The following FGF13 variants were observed in gnomAD, a reference collection of about 807,000 sequenced individuals.
FGF13 encodes fibroblast growth factor homologous factor 2.
A neutral mutation model predicts 19.5 loss-of-function variants in FGF13; 2 were observed. The observed-to-expected ratio is 0.10, with a 90% CI of 0.04 to 0.32. FGF13 has a LOEUF of 0.32. Ranked by LOEUF, FGF13 falls within the 10% of genes least tolerant of loss-of-function variation. FGF13 has a pLI of 1.00. For synonymous variants in FGF13, 72 were observed against 76.9 expected, an observed-to-expected ratio of 0.94 and a Z score of 0.33; for missense variants, 113 against 192.7, an observed-to-expected ratio of 0.59 and a Z score of 2.45.
chrX:138,747,041 G>C (rs1245662400), intron 3 of FGF13, among the ~76,000 whole-genome samples: 1 of 111,644 alleles, frequency 9.0e-6, no homozygotes, highest in Non-Finnish European at 1.9e-5. Context: ...GAACAAACCA[G>C]GTTCTGACAC....
At chrX:138,877,803 C>T (rs116690437) in intron 1 of FGF13, among the ~76,000 whole-genome samples, 6,649 of 112,213 alleles carry the variant, frequency 0.059, 467 homozygotes, top group African/African-American at 0.2. Context: ...ATATACAGCA[C>T]ATTTTTATTT....
At chrX:138,854,626 T>C (rs192694633), downstream of FGF13, among the ~76,000 whole-genome samples, 35 of 112,587 alleles carry the variant, frequency 3.1e-4, no homozygotes, top group Admixed American at 3.1e-3. Context: ...ATTCCAACTG[T>C]ATCACAATAC....
At chrX:139,148,382 T>G (rs1006830504) in intron 1 of FGF13, among the ~76,000 whole-genome samples, 1 of 111,266 alleles carries the variant, frequency 9.0e-6, no homozygotes, top group South Asian at 3.7e-4. Context: ...GGGAATATAA[T>G]TTATTGCTAA....
At chrX:138,931,246 A>G (rs1401282313) in intron 1 of FGF13, among the ~76,000 whole-genome samples, 2 of 111,095 alleles carry the variant, frequency 1.8e-5, no homozygotes, top group Non-Finnish European at 3.8e-5. Flanking sequence ...TATGACAGAA[A>G]AGGGCTGTTT....
chrX:138,802,032 C>G (rs1173830059), intron 3 of FGF13, among the ~76,000 whole-genome samples: 1 of 112,432 alleles, frequency 8.9e-6, no homozygotes, highest in African/African-American at 3.2e-5. Flanking sequence ...GGGAGTGGCA[C>G]CCACTGAGTG....
At chrX:138,905,736 C>G (rs1603019643) in intron 1 of FGF13, among the ~76,000 whole-genome samples, 1 of 112,191 alleles carries the variant, frequency 8.9e-6, no homozygotes, top group African/African-American at 3.2e-5. Flanking sequence ...AGTTGGGAAA[C>G]GTGGTTGTTT....
intron 3 of FGF13, among the ~76,000 whole-genome samples, chrX:138,849,947 C>T (rs769527722): frequency 2.1e-4 from 23 of 111,322 alleles, no homozygotes; most frequent in Non-Finnish European, 3.8e-4. Context: ...ATGCCTGAAA[C>T]GGGTCATCAG....
chrX:139,041,865 T>G (rs189512577), intron 1 of FGF13, among the ~76,000 whole-genome samples: 1 of 112,373 alleles, frequency 8.9e-6, no homozygotes, highest in African/African-American at 3.2e-5. Context: ...AAATCCACTA[T>G]AAGAATGTGT....
Position 138,632,691 on chromosome X carries a change from G to T in FGF13, c.*159C>A. ...TAAATAATGGGGCTTTAGTATGGAT[G>T]ATAAGAAGGTCTAATGGCAGATAGA... On this transcript the variant is annotated 3_prime_UTR_variant, in exon 5 of 5. Coordinates refer to ENST00000315930, the MANE Select transcript of FGF13 (RefSeq NM_004114.5). The T allele has an allele frequency of 1.9e-6, 1 of 515,406 alleles. No individual in the cohort carries two copies. Among genetic ancestry groups the T allele is most frequent in the Non-Finnish European group, 3.1e-6 (1 of 321,061 alleles). 42.5% of individuals were successfully genotyped at this position (515,406 alleles called of 1,213,427 possible).
intron 1 of FGF13, among the ~76,000 whole-genome samples, chrX:138,926,315 A>G (rs2091674062): frequency 8.9e-6 from 1 of 112,719 alleles, no homozygotes; most frequent in Admixed American, 9.4e-5. Flanking sequence ...GTGACACAGC[A>G]TGACCCAAAC....
intron 1 of FGF13, among the ~76,000 whole-genome samples, chrX:138,983,330 C>T (rs1387471355): frequency 9.6e-6 from 1 of 104,424 alleles, no homozygotes; most frequent in Non-Finnish European, 2.0e-5. Flanking sequence ...ATGTGGCTAT[C>T]CAGTATTTCC....
At chrX:139,089,341 T>C (rs1371206556) in intron 1 of FGF13, among the ~76,000 whole-genome samples, 1 of 112,514 alleles carries the variant, frequency 8.9e-6, no homozygotes, top group Non-Finnish European at 1.9e-5. Context: ...TCCTTTGCAC[T>C]GTTTAAAATA....
Position 138,618,149 on chromosome X carries a change from T to C in FGF13, c.*14701A>G, listed in dbSNP as rs2088985083. 1 of 111,663 alleles carries C rather than the reference T, an allele frequency of 9.0e-6. No homozygotes were observed. The highest frequency in any genetic ancestry group is 1.9e-5 in the Non-Finnish European group (1 of 53,141). The allele number at this position is 111,663 out of a possible 1,213,427, so 9.2% of individuals were successfully genotyped here. A position where few individuals can be genotyped will look rare whatever the true frequency, so the allele number is the denominator to read the frequency against. ...CAACCACTCAAGTATGAGAGTACCTTTGTGGGAGTCTGGTAGTCCAGCTCA... is the reference window on the plus strand; with the variant it reads ...CAACCACTCAAGTATGAGAGTACCTCTGTGGGAGTCTGGTAGTCCAGCTCA... On this transcript the variant is annotated 3_prime_UTR_variant, in exon 5 of 5. Coordinates refer to ENST00000315930, the MANE Select transcript of FGF13 (RefSeq NM_004114.5).
At chrX:138,879,350 C>T (rs1241486507) in intron 1 of FGF13, among the ~76,000 whole-genome samples, 3 of 107,400 alleles carry the variant, frequency 2.8e-5, no homozygotes, top group South Asian at 3.9e-4. Context: ...TTCTTTGATA[C>T]ACAACGATTT....
chrX:138,645,378 G>A (rs892133863), intron 3 of FGF13, among the ~76,000 whole-genome samples: 2 of 111,903 alleles, frequency 1.8e-5, no homozygotes, highest in African/African-American at 6.5e-5. Context: ...CAACTTCAAC[G>A]TTTGCTGAAG....
At chrX:138,740,861 AC>A (rs36008400), upstream of FGF13, among the ~76,000 whole-genome samples, 174 of 112,195 alleles carry the variant, frequency 1.6e-3, no homozygotes, top group African/African-American at 5.1e-3. Context: ...TTTTGCACTA[AC>A]CCCTGCAAAT....
intron 1 of FGF13, among the ~76,000 whole-genome samples, chrX:138,902,857 G>C (rs1372818149): frequency 1.8e-5 from 2 of 110,806 alleles, no homozygotes; most frequent in Non-Finnish European, 3.8e-5. Flanking sequence ...TGCCTTTAAG[G>C]AACCCATTAC....
chrX:139,062,318 T>C lies in FGF13; in HGVS notation c.-113+141098A>G, dbSNP rs1156277959. 2.7e-5 allele frequency among the ~76,000 whole-genome samples: 3 copies of C among 111,928 alleles called. No individual in the cohort carries two copies. The South Asian group carries it at 1.1e-3, about 42-fold the overall frequency. On this transcript the variant is annotated intron_variant, in intron 1 of 2. Transcript: ENST00000421460. ...TCCCAACAACATTTATTAAAGACTG[T>C]CCCTTCCTCATTGTGTGTTCTTGGC...
In FGF13 at chrX:138,997,366, G is replaced by A. The variant is rs1417436114; in HGVS notation, c.-112-132716C>T. The stretch of plus-strand genomic sequence containing the variant: ...CTGAGAGAAGTACGCTTCAGAAGGT[G>A]GGTAATATCAAACTCCTCTGAGCTA... On this transcript the variant is annotated intron_variant, in intron 1 of 2. Transcript: ENST00000421460. Among the ~76,000 whole-genome samples the A allele has an allele frequency of 6.3e-5, 7 of 111,644 alleles. No individual in the cohort carries two copies. The East Asian group carries it at 2.0e-3, about 31-fold the overall frequency.
Sources: gnomAD v4.1 joint callset for allele counts (sites outside exome capture counted in the v4.1 genomes callset) on GRCh38, gnomAD v4.1.1 for gene constraint, MANE v1.5 for transcripts, NCBI Gene and HGNC (gene_info 2026-07-23, HGNC 2026-07-21) for gene names.